Variants in SLC38A10 observed in about 807,000 individuals in gnomAD.
The protein encoded by SLC38A10 is solute carrier family 38 member 10.
A neutral mutation model predicts 81.0 loss-of-function variants in SLC38A10; 53 were observed. The observed-to-expected ratio is 0.65, with a 90% CI of 0.53 to 0.82. SLC38A10 has a LOEUF of 0.82. SLC38A10 is among the 40% of genes least tolerant of loss of function. The pLI is 0.00. For missense variants in SLC38A10, 1,471 were observed against 1,545.0 expected, an observed-to-expected ratio of 0.95 and a Z score of 0.80; for synonymous variants, 665 against 655.3, an observed-to-expected ratio of 1.01 and a Z score of -0.23.
chr17:81,285,887 A>G (rs1210485445), intron 2 of SLC38A10, among the ~76,000 whole-genome samples: 1 of 152,228 alleles, frequency 6.6e-6, no homozygotes, highest in Non-Finnish European at 1.5e-5. Flanking sequence ...GAAGAAGCAC[A>G]GCGTTGCCAA....
In SLC38A10 at chr17:81,289,898, T is replaced by C; in HGVS notation, c.100-90A>G. ...CACACGCGGCTCATGAGGACCCTCT[T>C]CACCCCCAGGCCCCGCTCCATCCCA... On this transcript the variant is annotated intron_variant, in intron 1 of 15. Coordinates refer to ENST00000374759, the MANE Select transcript of SLC38A10 (RefSeq NM_001037984.3). The surrounding 1 kb of genome is among the most constrained non-coding windows in gnomAD (Gnocchi z 5.9). 1 of 1,048,374 alleles carries C rather than the reference T, an allele frequency of 9.5e-7. No homozygotes were observed. The highest frequency in any genetic ancestry group is 1.4e-6 in the Non-Finnish European group (1 of 736,350). The allele number at this position is 1,048,374 out of a possible 1,614,324, so 64.9% of individuals were successfully genotyped here. A position where few individuals can be genotyped will look rare whatever the true frequency, so the allele number is the denominator to read the frequency against.
At position 81,270,341 on chromosome 17, in the gene SLC38A10, T is replaced by C. The variant is rs554311343; in HGVS notation, c.1131+577A>G. On this transcript the variant is annotated intron_variant, in intron 10 of 15. Coordinates refer to ENST00000374759, the MANE Select transcript of SLC38A10 (RefSeq NM_001037984.3). The surrounding 1 kb of genome is among the most constrained non-coding windows in gnomAD (Gnocchi z 4.0). ...GCGATTCTGTCTGCAATAGCAAGAC[T>C]GGAGAGGTGAGTCCTTCGGAGACTG... 1.3e-5 allele frequency among the ~76,000 whole-genome samples: 2 copies of C among 152,286 alleles called. No homozygotes were observed. Among genetic ancestry groups the C allele is most frequent in the East Asian group, 3.9e-4 (2 of 5,186 alleles).
intron 9 of SLC38A10, among the ~76,000 whole-genome samples, chr17:81,271,510 GACA>G (rs1555629001): frequency 6.6e-6 from 1 of 152,174 alleles, no homozygotes; most frequent in Non-Finnish European, 1.5e-5. Context: ...ATCCTCTGAT[GACA>G]ACGAGCTCTG....
chr17:81,282,384 C>T (rs567529119), intron 4 of SLC38A10, 52 bp from the exon 5 acceptor site: 9 of 1,560,730 alleles, frequency 5.8e-6, no homozygotes, highest in East Asian at 2.4e-5. Flanking sequence ...TGCTCACCAC[C>T]GGGCTCTCTG....
chr17:81,277,457 G>A lies in SLC38A10; in HGVS notation c.627-324C>T, dbSNP rs557643313. ...AGCCAGTTTACAGGGCAAGCAGCCGGAGGAGGCTGCTCAGAGAATCGCTGT... is the reference window on the plus strand; with the variant it reads ...AGCCAGTTTACAGGGCAAGCAGCCGAAGGAGGCTGCTCAGAGAATCGCTGT... On this transcript the variant is annotated intron_variant, in intron 6 of 15. Coordinates refer to ENST00000374759, the MANE Select transcript of SLC38A10 (RefSeq NM_001037984.3). This position sits in a 1 kb window ranked among gnomAD's most constrained non-coding sequence, Gnocchi z 4.5. 6.8e-4 allele frequency among the ~76,000 whole-genome samples: 103 copies of A among 152,360 alleles called. No homozygotes were observed. In the Middle Eastern group the frequency reaches 0.01, roughly 15 times the overall value.
At chr17:81,280,773 AC>A in intron 5 of SLC38A10, 40 bp from the exon 6 acceptor site, 1 of 1,577,806 alleles carries the variant, frequency 6.3e-7, no homozygotes, top group East Asian at 2.3e-5. Flanking sequence ...GCAGGTCAGG[AC>A]GCAGGCGGGA....
chr17:81,245,242 C>G lies in SLC38A10; in HGVS notation c.*314G>C, dbSNP rs1323891064. 3.2e-6 allele frequency: 1 copy of G among 312,406 alleles called. No homozygotes were observed. Among genetic ancestry groups the G allele is most frequent in the Non-Finnish European group, 5.9e-6 (1 of 168,706 alleles). The allele number at this position is 312,406 out of a possible 1,614,324, so 19.4% of individuals were successfully genotyped here. A position where few individuals can be genotyped will look rare whatever the true frequency, so the allele number is the denominator to read the frequency against. ...GCCTGACCACAGACGCAGCAGCTCCCCAGCCTGAGCCTGGGAGTGCACCAG... is the reference window on the plus strand; with the variant it reads ...GCCTGACCACAGACGCAGCAGCTCCGCAGCCTGAGCCTGGGAGTGCACCAG... On this transcript the variant is annotated 3_prime_UTR_variant, in exon 16 of 16. Transcript: ENST00000374759.
rs749822314 is a variant in SLC38A10 at position 81,245,921 on chromosome 17, C to T, written c.2995G>A (p.Glu999Lys). 1.6e-5 allele frequency: 26 copies of T among 1,611,248 alleles called. No individual in the cohort carries two copies. The highest frequency in any genetic ancestry group is 1.6e-4 in the East Asian group (7 of 44,844). ...RGGDHVPVSH[E>K]QPRGGEDAAV... ...GCGTCCTCCCCGCCTCTCGGCTGCT[C>T]GTGGGACACAGGCACATGGTCCCCC... Residue 999 changes from glutamate to lysine, a missense_variant, in exon 16 of 16, where the codon GAG (glutamate) becomes AAG (lysine). This residue lies in a region of SLC38A10 where 751 missense variants were observed against 717.4 expected (regional missense o/e 1.05). Coordinates refer to ENST00000374759, the MANE Select transcript of SLC38A10 (RefSeq NM_001037984.3).
intron 1 of SLC38A10, among the ~76,000 whole-genome samples, chr17:81,291,909 C>T (rs2063313664): frequency 6.6e-6 from 1 of 152,178 alleles, no homozygotes; most frequent in South Asian, 2.1e-4. Flanking sequence ...CACCGTGGCA[C>T]ACTAGGGGTC....
chr17:81,256,390 C>T (rs923044639), intron 11 of SLC38A10, among the ~76,000 whole-genome samples: 1 of 152,172 alleles, frequency 6.6e-6, no homozygotes, highest in African/African-American at 2.4e-5. Context: ...CACGGACGGG[C>T]GGGGAGGCCA....
chr17:81,272,963 A>G (rs2063130304), intron 8 of SLC38A10, among the ~76,000 whole-genome samples: 1 of 152,196 alleles, frequency 6.6e-6, no homozygotes, highest in African/African-American at 2.4e-5. Context: ...AGTGCCAGGA[A>G]GTATGGAGAG....
chr17:81,266,029 CAT>C (rs1371010046), intron 10 of SLC38A10, among the ~76,000 whole-genome samples: 9 of 152,218 alleles, frequency 5.9e-5, no homozygotes, highest in Non-Finnish European at 1.0e-4. Context: ...TGTGTCTACA[CAT>C]GTCTACACAC....
chr17:81,273,133 G>A (rs2063132035), intron 8 of SLC38A10, among the ~76,000 whole-genome samples: 1 of 152,188 alleles, frequency 6.6e-6, no homozygotes. Context: ...CAAAGTCCAG[G>A]AAGAAGAAGA....
intron 14 of SLC38A10, chr17:81,250,902 C>G: frequency 1.8e-6 from 2 of 1,140,024 alleles, no homozygotes; most frequent in Non-Finnish European, 2.2e-6. Flanking sequence ...GTTTTATTCT[C>G]AGGAGAGCAA....
At chr17:81,279,053 C>A (rs940527718) in intron 6 of SLC38A10, among the ~76,000 whole-genome samples, 3 of 152,272 alleles carry the variant, frequency 2.0e-5, no homozygotes, top group Non-Finnish European at 2.9e-5. Context: ...ACGGAGCATC[C>A]CTGGCCCGCC....
chr17:81,246,456 G>C lies in SLC38A10; in HGVS notation c.2460C>G (p.Gly820=). ...CTGCCCGAGGCTCTGTGTCAGGGCC[G>C]CCGTCAGGAGGGCCAGCAGGGTCTC... ...VGRDPAGPPD[G]GPDTEPRAAQ... The change falls in exon 16 of 16, where the codon GGC becomes GGG. Residue 820 remains glycine (G), a synonymous_variant. Transcript: ENST00000374759. 6.3e-7 allele frequency: 1 copy of C among 1,582,850 alleles called. No individual in the cohort carries two copies. Among genetic ancestry groups the C allele is most frequent in the Non-Finnish European group, 8.6e-7 (1 of 1,165,408 alleles).
In SLC38A10 at chr17:81,245,720, G is replaced by T; in HGVS notation, c.3196C>A (p.Pro1066Thr). 1.2e-6 allele frequency: 2 copies of T among 1,600,112 alleles called. No individual in the cohort carries two copies. Among genetic ancestry groups the T allele is most frequent in the South Asian group, 2.2e-5 (2 of 90,534 alleles). Residue 1066 changes from proline to threonine, a missense_variant, in exon 16 of 16, where the codon CCG becomes ACG. By Grantham distance (38) the Pro-to-Thr change is conservative. This residue lies in a region of SLC38A10 where 751 missense variants were observed against 717.4 expected (regional missense o/e 1.05). Transcript: ENST00000374759. ...AGGCCAATGATGACCCCATCCCTCG[G>T]GGCCAGCTGACCCTCTGCATGAGGG... ...LGPHAEGQLA[P>T]RDGVIIGLNP...
chr17:81,294,406 G>C (rs2063332091), intron 1 of SLC38A10, among the ~76,000 whole-genome samples: 1 of 152,178 alleles, frequency 6.6e-6, no homozygotes, highest in Admixed American at 6.5e-5. Flanking sequence ...TGCAACCAAG[G>C]TCCCTATCTA....
chr17:81,285,013 C>T (rs2063250806), intron 2 of SLC38A10, 118 bp from the exon 3 acceptor site: 5 of 805,902 alleles, frequency 6.2e-6, no homozygotes, highest in East Asian at 3.3e-5. Flanking sequence ...CCAGATTCTC[C>T]GGGGCATGAG....
Sources: allele counts gnomAD v4.1 joint callset (sites outside exome capture counted in the v4.1 genomes callset), GRCh38; gene constraint gnomAD v4.1.1; regional missense constraint gnomAD v4.1.1; non-coding constraint Gnocchi (gnomAD v3.1); transcripts MANE v1.5; gene names NCBI Gene and HGNC (gene_info 2026-07-23, HGNC 2026-07-21).